GRAMD1B: variants seen among roughly 807,000 people sequenced by gnomAD.
GRAMD1B encodes the protein protein Aster-B.
Under a neutral mutation model 99.7 loss-of-function variants are expected in GRAMD1B, and 37 were observed. The ratio of observed to expected loss-of-function variants is 0.37; its 90% CI spans 0.29 to 0.49. GRAMD1B has a LOEUF of 0.49. Ranked by LOEUF, GRAMD1B falls within the 20% of genes least tolerant of loss-of-function variation. The pLI, the probability that GRAMD1B is intolerant of heterozygous loss-of-function variation, is 0.98. For synonymous variants in GRAMD1B, 427 were observed against 387.6 expected, an observed-to-expected ratio of 1.10 and a Z score of -1.19; for missense variants, 888 against 1,009.2, an observed-to-expected ratio of 0.88 and a Z score of 1.63.
intron 1 of GRAMD1B, among the ~76,000 whole-genome samples, chr11:123,467,393 CCTTTTTTTTTTTTTTTTTT>C (rs1208885355): frequency 4.9e-5 from 4 of 81,490 alleles, no homozygotes; most frequent in African/African-American, 1.8e-4. Flanking sequence ...GTTTTCAACA[CCTTTTTTTTTTTTTTTTTT>C]TTTTACTGAC....
At chr11:123,508,120 C>T (rs1940619929) in intron 2 of GRAMD1B, among the ~76,000 whole-genome samples, 1 of 152,146 alleles carries the variant, frequency 6.6e-6, no homozygotes, top group South Asian at 2.1e-4. Flanking sequence ...GCGGCTATAA[C>T]AGAACACCAC....
chr11:123,620,060 T>G (rs377436268), intron 19 of GRAMD1B, among the ~76,000 whole-genome samples: 3 of 152,312 alleles, frequency 2.0e-5, no homozygotes, highest in East Asian at 1.9e-4. Flanking sequence ...ATTTCTTCAT[T>G]TATAAAATAG....
At chr11:123,621,886 T>TC (rs1955161903) in intron 19 of GRAMD1B, among the ~76,000 whole-genome samples, 1 of 61,962 alleles carries the variant, frequency 1.6e-5, no homozygotes, top group East Asian at 1.4e-3. Flanking sequence ...TTCTTTTTCT[T>TC]TCTTTCTTTC....
At chr11:123,613,121 G>C in intron 15 of GRAMD1B, 1 of 556,570 alleles carries the variant, frequency 1.8e-6, no homozygotes, top group South Asian at 2.4e-5. Flanking sequence ...ACCCCAAAAG[G>C]AACCACAGAC....
intron 2 of GRAMD1B, among the ~76,000 whole-genome samples, chr11:123,562,690 T>C (rs1437356194): frequency 6.6e-6 from 1 of 152,152 alleles, no homozygotes; most frequent in Non-Finnish European, 1.5e-5. Flanking sequence ...ATATAAACAC[T>C]CAGAATTTTA....
intron 19 of GRAMD1B, among the ~76,000 whole-genome samples, chr11:123,622,284 A>G (rs991391542): frequency 3.3e-5 from 5 of 152,024 alleles, no homozygotes; most frequent in African/African-American, 1.2e-4. Flanking sequence ...CTGCCTCCCA[A>G]AGTGCTGGGA....
chr11:123,512,453 A>G (rs1470484506), intron 2 of GRAMD1B, among the ~76,000 whole-genome samples: 6 of 152,142 alleles, frequency 3.9e-5, no homozygotes, highest in Non-Finnish European at 5.9e-5. Flanking sequence ...AAACAGCCTG[A>G]TTTTACTTAG....
chr11:123,443,325 A>G (rs1351663494), intron 1 of GRAMD1B, among the ~76,000 whole-genome samples: 1 of 152,232 alleles, frequency 6.6e-6, no homozygotes, highest in African/African-American at 2.4e-5. Context: ...AAATATTTAA[A>G]GAGGTTTATT....
chr11:123,593,340 G>C (rs1479019429), intron 4 of GRAMD1B, among the ~76,000 whole-genome samples: 1 of 152,176 alleles, frequency 6.6e-6, no homozygotes, highest in Non-Finnish European at 1.5e-5. Flanking sequence ...ATTTGCTAAG[G>C]CAGTTTCTGG....
chr11:123,598,164 A>T (rs2136655000), intron 7 of GRAMD1B: 2 of 1,546,418 alleles, frequency 1.3e-6, no homozygotes, highest in Non-Finnish European at 1.8e-6. Context: ...CATGAGCATG[A>T]TGCCATTCAG....
intron 2 of GRAMD1B, chr11:123,560,734 G>GTA (rs1306390882): frequency 5.4e-6 from 2 of 370,164 alleles, no homozygotes; most frequent in East Asian, 8.4e-5. Context: ...GTGTGTGTGT[G>GTA]TATCTTTGTT....
intron 2 of GRAMD1B, among the ~76,000 whole-genome samples, chr11:123,509,490 A>G (rs188305696): frequency 6.6e-6 from 1 of 152,314 alleles, no homozygotes; most frequent in East Asian, 1.9e-4. Flanking sequence ...GCTTATTTTC[A>G]TGTTTTTGTC....
At chr11:123,542,321 G>A (rs573935074) in intron 2 of GRAMD1B, among the ~76,000 whole-genome samples, 1 of 152,344 alleles carries the variant, frequency 6.6e-6, no homozygotes, top group South Asian at 2.1e-4. Flanking sequence ...AGGCAACTGA[G>A]AGCACTCGCC....
rs529660129 is a variant in GRAMD1B, at chr11:123,489,224, C to G, written c.452+8331C>G. ...TATTATTATCATTAAAACAGTGGGT[C>G]GAGGACGAAGGATTTGAGGAGCAGA... is the stretch of plus-strand genomic sequence containing the variant. On this transcript the variant is annotated intron_variant, in intron 2 of 19. Coordinates refer to ENST00000635736, the MANE Select transcript of GRAMD1B (RefSeq NM_001387025.1). Among the ~76,000 whole-genome samples, 5 of 152,028 alleles carry G rather than the reference C, an allele frequency of 3.3e-5. No homozygotes were observed. In the South Asian group the frequency reaches 1.0e-3, roughly 32 times the overall value.
At chr11:123,562,419 T>C (rs1366247102) in intron 2 of GRAMD1B, among the ~76,000 whole-genome samples, 3 of 152,204 alleles carry the variant, frequency 2.0e-5, no homozygotes, top group African/African-American at 7.2e-5. Flanking sequence ...ACTGGAGGCC[T>C]TGTGGGCCGG....
chr11:123,489,422 C>T (rs925357781), intron 2 of GRAMD1B, among the ~76,000 whole-genome samples: 15 of 151,904 alleles, frequency 9.9e-5, no homozygotes, highest in Non-Finnish European at 1.6e-4. Flanking sequence ...ATAGTTGAGG[C>T]GAGTCTCAGG....
At chr11:123,441,151 G>A (rs1370933568) in intron 1 of GRAMD1B, among the ~76,000 whole-genome samples, 2 of 152,132 alleles carry the variant, frequency 1.3e-5, no homozygotes, top group Admixed American at 1.3e-4. Flanking sequence ...AGGGGAGCAG[G>A]GTTGTCACAT....
At chr11:123,516,710 T>C (rs1941704296) in intron 2 of GRAMD1B, among the ~76,000 whole-genome samples, 1 of 152,226 alleles carries the variant, frequency 6.6e-6, no homozygotes, top group Admixed American at 6.5e-5. Context: ...TATGCTCGTT[T>C]TGGAAAACAG....
At chr11:123,388,714 C>CAA (rs1555109946) in intron 1 of GRAMD1B, among the ~76,000 whole-genome samples, 4 of 145,192 alleles carry the variant, frequency 2.8e-5, no homozygotes, top group African/African-American at 1.0e-4. Flanking sequence ...AACAAACAAA[C>CAA]AAAGAAGAGG....
Sources: gnomAD v4.1 joint callset for allele counts (sites outside exome capture counted in the v4.1 genomes callset) on GRCh38, gnomAD v4.1.1 for gene constraint, MANE v1.5 for transcripts, NCBI Gene and HGNC (gene_info 2026-07-23, HGNC 2026-07-21) for gene names.